COTL1: variants seen among roughly 807,000 people sequenced by gnomAD.
The protein encoded by COTL1 is coactosin-like protein.
Under a neutral mutation model 16.5 loss-of-function variants are expected in COTL1, and 15 were observed. The ratio of observed to expected loss-of-function variants is 0.91; its 90% CI spans 0.61 to 1.40. The LOEUF (loss-of-function observed/expected upper bound fraction) is 1.40. Among genes scored for constraint, COTL1 ranks in the 40% most tolerant of loss-of-function variants. The probability of loss-of-function intolerance (pLI) is 0.00; values close to 1 mark genes in which losing one functional copy is unlikely to be tolerated. For missense variants in COTL1, 220 were observed against 201.5 expected (o/e 1.09, Z -0.56); for synonymous variants, 112 against 85.3 (o/e 1.31, Z -1.73).
intron 2 of COTL1, chr16:84,594,981 C>A (rs1465839046): frequency 1.3e-5 from 2 of 152,466 alleles, no homozygotes; most frequent in African/African-American, 4.8e-5. Context: ...TCCACATCCA[C>A]CCTTCCCCTC....
In COTL1 at chr16:84,566,873, C is replaced by T; in HGVS notation, c.401G>A (p.Gly134Glu). Residue 134 changes from glycine to glutamate, a missense_variant, in exon 4 of 4, where the codon GGA (glycine) becomes GAA (glutamate). Physicochemically the swap from Gly to Glu is moderately conservative, Grantham distance 98 (BLOSUM62 -2). Coordinates refer to ENST00000262428, the MANE Select transcript of COTL1 (RefSeq NM_021149.5). ...FIKSELKKAG[G>E]ANYDAQTE ...CTCCGTCTGGGCGTCGTAATTGGCTCCCCCCGCCTTCTTCAGCTCGCTCTT... is the reference window on the plus strand; with the variant it reads ...CTCCGTCTGGGCGTCGTAATTGGCTTCCCCCGCCTTCTTCAGCTCGCTCTT... The T allele has an allele frequency of 6.2e-7, 1 of 1,612,682 alleles. No homozygotes were observed.
chr16:84,603,390 TG>T (rs11331206), intron 2 of COTL1, among the ~76,000 whole-genome samples: 52,103 of 151,962 alleles, frequency 0.34, 9,201 homozygotes, highest in East Asian at 0.65. Flanking sequence ...GTGAACACAC[TG>T]GAAACCCGGC....
chr16:84,580,149 C>T (rs900704158), intron 3 of COTL1, among the ~76,000 whole-genome samples: 3 of 152,196 alleles, frequency 2.0e-5, no homozygotes, highest in Admixed American at 1.3e-4. Context: ...GGTCACAGCC[C>T]GCTGGGCAGA....
chr16:84,597,947 C>T (rs572267014), intron 2 of COTL1, among the ~76,000 whole-genome samples: 9 of 152,280 alleles, frequency 5.9e-5, no homozygotes, highest in African/African-American at 2.2e-4. Flanking sequence ...GCCTTTCTGC[C>T]TGTGCTGCCT....
intron 3 of COTL1, among the ~76,000 whole-genome samples, chr16:84,586,182 G>A (rs1904728839): frequency 6.6e-6 from 1 of 152,146 alleles, no homozygotes; most frequent in South Asian, 2.1e-4. Context: ...GAGAAAAACA[G>A]AACTGAGAGA....
intron 2 of COTL1, among the ~76,000 whole-genome samples, chr16:84,607,370 C>A (rs8046500): frequency 6.6e-6 from 1 of 152,088 alleles, no homozygotes; most frequent in Non-Finnish European, 1.5e-5. Context: ...CTGAGAGCCT[C>A]GGACACAGAT....
intron 3 of COTL1, among the ~76,000 whole-genome samples, chr16:84,580,001 C>T (rs1357164468): frequency 2.0e-5 from 3 of 152,228 alleles, no homozygotes; most frequent in South Asian, 2.1e-4. Flanking sequence ...GACTGTATAC[C>T]GTGCTAGCGA....
intron 3 of COTL1, among the ~76,000 whole-genome samples, chr16:84,572,055 C>T (rs1904346804): frequency 6.6e-6 from 1 of 152,264 alleles, no homozygotes; most frequent in Non-Finnish European, 1.5e-5. Flanking sequence ...TGACAACAAC[C>T]TCCACACCTC....
At chr16:84,581,972 T>G (rs1904604501) in intron 3 of COTL1, among the ~76,000 whole-genome samples, 1 of 122,226 alleles carries the variant, frequency 8.2e-6, no homozygotes, top group African/African-American at 3.1e-5. Flanking sequence ...AGCAGATACA[T>G]TTCTTCTTTT....
intron 3 of COTL1, chr16:84,567,736 C>G (rs956117700): frequency 6.6e-6 from 1 of 152,234 alleles, no homozygotes; most frequent in African/African-American, 2.4e-5. Flanking sequence ...ACCCATAGAA[C>G]CCGCAGGCAC....
chr16:84,594,758 C>T (rs1904955463), intron 2 of COTL1: 2 of 152,336 alleles, frequency 1.3e-5, no homozygotes, highest in Non-Finnish European at 2.9e-5. Context: ...TTTGGGCCAA[C>T]GCAGTTTTTG....
At chr16:84,588,671 G>T (rs894214555) in intron 3 of COTL1, among the ~76,000 whole-genome samples, 12 of 150,998 alleles carry the variant, frequency 7.9e-5, no homozygotes, top group African/African-American at 2.9e-4. Context: ...CCACCACACA[G>T]GGCTAATTTT....
chr16:84,614,297 G>A (rs1389892780), intron 2 of COTL1, among the ~76,000 whole-genome samples: 1 of 152,232 alleles, frequency 6.6e-6, no homozygotes, highest in Non-Finnish European at 1.5e-5. Context: ...GCAAGCTCGG[G>A]AAGAAGCAGC....
At chr16:84,593,957 C>G (rs1904936624) in intron 2 of COTL1, among the ~76,000 whole-genome samples, 1 of 152,224 alleles carries the variant, frequency 6.6e-6, no homozygotes, top group African/African-American at 2.4e-5. Flanking sequence ...GCCCTGGCAG[C>G]CACTCTTCCA....
In COTL1 at chr16:84,617,434, C is replaced by T. The variant is rs1411789275; in HGVS notation, c.160+67G>A. On this transcript the variant is annotated intron_variant, in intron 2 of 3. Transcript: ENST00000262428. ...CGGTTCCTCCCGGGTTCGCTCTGGC[C>T]GGGGCTCCCCGGGTGCAGACAACCT... The T allele has an allele frequency of 4.1e-6, 6 of 1,460,650 alleles. No individual in the cohort carries two copies. The African/African-American group carries it at 5.6e-5, about 14-fold the overall frequency. 90.5% of individuals were successfully genotyped at this position (1,460,650 alleles called of 1,614,324 possible).
In COTL1 at chr16:84,566,886, T is replaced by G; in HGVS notation, c.388A>C (p.Lys130Gln). Residue 130 changes from lysine (K) to glutamine (Q), a missense_variant, in exon 4 of 4, where the codon AAG (lysine) becomes CAG (glutamine). Physicochemically the swap from Lys to Gln is moderately conservative, Grantham distance 53 (BLOSUM62 1). Transcript: ENST00000262428. ...LEEDFIKSEL[K>Q]KAGGANYDAQ... Reference sequence around the variant, plus strand: ...TCGTAATTGGCTCCCCCCGCCTTCTTCAGCTCGCTCTTGATGAAATCTTCC... The same window carrying G: ...TCGTAATTGGCTCCCCCCGCCTTCTGCAGCTCGCTCTTGATGAAATCTTCC... 6.2e-7 allele frequency: 1 copy of G among 1,614,046 alleles called. No individual in the cohort carries two copies. The highest frequency in any genetic ancestry group is 1.7e-5 in the Admixed American group (1 of 60,018).
At chr16:84,571,074 C>A (rs1904327926) in intron 3 of COTL1, among the ~76,000 whole-genome samples, 1 of 152,032 alleles carries the variant, frequency 6.6e-6, no homozygotes, top group Non-Finnish European at 1.5e-5. Flanking sequence ...ACCCCAGATT[C>A]TCTGTTCGGA....
At chr16:84,591,457 T>C (rs1904860481) in intron 2 of COTL1, among the ~76,000 whole-genome samples, 1 of 151,066 alleles carries the variant, frequency 6.6e-6, no homozygotes, top group East Asian at 2.0e-4. Flanking sequence ...GTGCTGGGAT[T>C]ACAGGCGTGA....
At chr16:84,596,650 C>G (rs1555523791) in intron 2 of COTL1, 1 of 152,362 alleles carries the variant, frequency 6.6e-6, no homozygotes, top group Non-Finnish European at 1.5e-5. Context: ...GGGCATGGTG[C>G]CATCTTGGTT....
Sources: allele counts gnomAD v4.1 joint callset (sites outside exome capture counted in the v4.1 genomes callset), GRCh38; gene constraint gnomAD v4.1.1; transcripts MANE v1.5; gene names NCBI Gene and HGNC (gene_info 2026-07-23, HGNC 2026-07-21).